Variants in RASEF observed in about 807,000 individuals in gnomAD.
The protein encoded by RASEF is RAS and EF-hand domain containing.
In RASEF, 68 loss-of-function variants were observed where a neutral mutation model predicts 90.1. The ratio of observed to expected loss-of-function variants is 0.75; its 90% CI spans 0.62 to 0.92. The LOEUF is 0.92. Ranked by LOEUF, RASEF falls within the 40% of genes least tolerant of loss-of-function variation. The probability of loss-of-function intolerance (pLI) is 0.00; values close to 1 mark genes in which losing one functional copy is unlikely to be tolerated. For synonymous variants in RASEF, 331 were observed against 345.2 expected (o/e 0.96, Z 0.46); for missense variants, 949 against 937.2 (o/e 1.01, Z -0.16).
intron 14 of RASEF, among the ~76,000 whole-genome samples, chr9:82,995,083 G>C (rs957292451): frequency 2.6e-5 from 4 of 152,280 alleles, no homozygotes; most frequent in Admixed American, 6.5e-5. Flanking sequence ...ACAAACTTAA[G>C]AATTCATCTC....
the RASEF span, among the ~76,000 whole-genome samples, chr9:83,091,771 C>T: frequency 5.9e-5 from 9 of 151,988 alleles, no homozygotes; most frequent in African/African-American, 2.2e-4. Context: ...AATGACTAGT[C>T]TTTTGAGTGG....
chr9:83,038,420 AAATTT>A (rs945393412), intron 1 of RASEF, among the ~76,000 whole-genome samples: 11 of 152,286 alleles, frequency 7.2e-5, no homozygotes, highest in African/African-American at 2.6e-4. Context: ...CAACAATTTC[AAATTT>A]AATAGTCAAA....
rs186603038 is a variant in RASEF at position 83,025,286 on chromosome 9, G to A, written c.578+489C>T. On this transcript the variant is annotated intron_variant, in intron 2 of 16. Transcript: ENST00000376447. ...CAGCACTGCTGAGCACCCACCATGT[G>A]GTGGGCAGTGTGCAGGGCTCACCCA... is the stretch of plus-strand genomic sequence containing the variant. Among the ~76,000 whole-genome samples, 147 of 152,248 alleles carry A rather than the reference G, an allele frequency of 9.7e-4. 1 individual carries two copies. The highest frequency in any genetic ancestry group is 3.1e-3 in the South Asian group (15 of 4,832).
intron 1 of RASEF, among the ~76,000 whole-genome samples, chr9:83,061,707 A>G (rs1213528920): frequency 6.6e-6 from 1 of 152,208 alleles, no homozygotes; most frequent in Admixed American, 6.5e-5. Flanking sequence ...TATTTCTGTC[A>G]GAGCAGTAAG....
chr9:83,101,272 T>G, the RASEF span, among the ~76,000 whole-genome samples: 1 of 152,146 alleles, frequency 6.6e-6, no homozygotes, highest in Non-Finnish European at 1.5e-5. Flanking sequence ...CTCTTATAAA[T>G]TTTCCAGGTT....
the RASEF span, among the ~76,000 whole-genome samples, chr9:83,102,638 G>GC: frequency 1.3e-5 from 2 of 152,152 alleles, no homozygotes; most frequent in Non-Finnish European, 2.9e-5. Context: ...AGGGAACGAG[G>GC]GAAAAACGTG....
chr9:83,023,047 C>G (rs1829471531), intron 2 of RASEF, among the ~76,000 whole-genome samples: 1 of 152,034 alleles, frequency 6.6e-6, no homozygotes. Flanking sequence ...TGCTGGGAGG[C>G]TCTCAATAAA....
At chr9:83,218,067 A>G in the RASEF span, among the ~76,000 whole-genome samples, 17 of 152,330 alleles carry the variant, frequency 1.1e-4, no homozygotes, top group South Asian at 3.3e-3. Context: ...CTGTGGAACT[A>G]CAGTGACAGG....
chr9:83,159,891 C>T, the RASEF span, among the ~76,000 whole-genome samples: 4 of 152,134 alleles, frequency 2.6e-5, no homozygotes, highest in Non-Finnish European at 4.4e-5. Context: ...ATGCACTGTT[C>T]TCGTGATAGT....
At chr9:83,006,338 G>T (rs1245974860) in intron 7 of RASEF, among the ~76,000 whole-genome samples, 1 of 152,216 alleles carries the variant, frequency 6.6e-6, no homozygotes, top group Non-Finnish European at 1.5e-5. Context: ...AGGGGAAAGA[G>T]ATTTTTCACC....
the RASEF span, among the ~76,000 whole-genome samples, chr9:83,142,832 T>C: frequency 6.6e-6 from 1 of 152,216 alleles, no homozygotes; most frequent in East Asian, 1.9e-4. Flanking sequence ...TCAGTGGCTT[T>C]CATGCTGTTT....
At chr9:83,031,119 G>GT (rs1300318292) in intron 1 of RASEF, among the ~76,000 whole-genome samples, 1 of 152,220 alleles carries the variant, frequency 6.6e-6, no homozygotes, top group Admixed American at 6.5e-5. Context: ...CATGAAGCCA[G>GT]TAAGACTTGT....
the RASEF span, among the ~76,000 whole-genome samples, chr9:83,095,780 C>A: frequency 1.3e-5 from 2 of 151,956 alleles, no homozygotes; most frequent in Admixed American, 6.6e-5. Context: ...TTATCATAGT[C>A]TACACTATAG....
intron 5 of RASEF, among the ~76,000 whole-genome samples, chr9:83,011,550 C>CAAAAAAAAAAA (rs71363083): frequency 7.1e-5 from 2 of 28,118 alleles, no homozygotes; most frequent in Non-Finnish European, 1.2e-4. Flanking sequence ...GACTCCATCT[C>CAAAAAAAAAAA]AAAAAAAAAA....
chr9:82,990,832 C>G (rs1219308539), intron 15 of RASEF, among the ~76,000 whole-genome samples: 1 of 152,186 alleles, frequency 6.6e-6, no homozygotes, highest in Non-Finnish European at 1.5e-5. Flanking sequence ...CATCAAGAGT[C>G]TGTTTCCCTT....
intron 5 of RASEF, among the ~76,000 whole-genome samples, chr9:83,011,576 A>C (rs1004891337): frequency 3.4e-5 from 5 of 147,888 alleles, no homozygotes; most frequent in African/African-American, 1.0e-4. Flanking sequence ...AAAAAAAAAA[A>C]CTGAAATTTT....
intron 12 of RASEF, 142 bp from the exon 13 acceptor site, chr9:82,998,588 G>T: frequency 1.7e-6 from 1 of 590,068 alleles, no homozygotes; most frequent in East Asian, 2.9e-5. Context: ...TTTAAGGAGA[G>T]TGACCTTCAA....
chr9:82,998,870 G>A (rs191193496), intron 12 of RASEF, among the ~76,000 whole-genome samples: 2 of 152,120 alleles, frequency 1.3e-5, no homozygotes, highest in African/African-American at 4.8e-5. Flanking sequence ...GTATGTATAT[G>A]TATATGTAGG....
chr9:83,063,238 T>G, upstream of RASEF: 1 of 224,912 alleles, frequency 4.4e-6, no homozygotes, highest in Non-Finnish European at 8.6e-6. Flanking sequence ...CTTCTCCAGT[T>G]CCCACGCCCC....
Sources: allele counts gnomAD v4.1 joint callset (sites outside exome capture counted in the v4.1 genomes callset), GRCh38; gene constraint gnomAD v4.1.1; transcripts MANE v1.5; gene names NCBI Gene and HGNC (gene_info 2026-07-23, HGNC 2026-07-21).